MAN2C1: variants seen among roughly 807,000 people sequenced by gnomAD.
The protein encoded by MAN2C1 is alpha-mannosidase 2C1.
MAN2C1 carries 111 observed loss-of-function variants against 126.9 expected under a neutral mutation model. The observed-to-expected ratio is 0.87, with a 90% CI of 0.75 to 1.02. The LOEUF is 1.02. Among genes scored for constraint, MAN2C1 ranks in the 50% least tolerant of loss-of-function variants. MAN2C1 has a pLI of 0.00. For missense variants in MAN2C1, 1,363 were observed against 1,364.4 expected (o/e 1.00, Z 0.02); for synonymous variants, 567 against 561.5 (o/e 1.01, Z -0.14).
In MAN2C1 at chr15:75,358,799, AAT is replaced by A; in HGVS notation, c.2149_2150del (p.Ile717CysfsTer2). On this transcript the variant is annotated frameshift_variant, in exon 19 of 26. Coordinates refer to ENST00000267978, the MANE Select transcript of MAN2C1 (RefSeq NM_006715.4). LOFTEE classifies it high-confidence loss of function. ...ACTGGTTCCCCACGGCGCCCTCAGCAATGGCCTCCCTGGAAGGACATGGGATT... is the reference window on the plus strand; with the variant it reads ...ACTGGTTCCCCACGGCGCCCTCAGCAGGCCTCCCTGGAAGGACATGGGATT... Reference protein sequence around the residue: ...LVLVASGREAIAEGAVGNQFV... With the variant: ...LVLVASGREAXAEGAVGNQFV... 6.2e-7 allele frequency: 1 copy of A among 1,612,432 alleles called. No homozygotes were observed. The highest frequency in any genetic ancestry group is 1.1e-5 in the South Asian group (1 of 90,840).
intron 6 of MAN2C1, among the ~76,000 whole-genome samples, chr15:75,363,600 G>A (rs948731682): frequency 6.6e-6 from 1 of 152,204 alleles, no homozygotes; most frequent in Non-Finnish European, 1.5e-5. Context: ...GAGGTCAGGA[G>A]TTTGAGACCA....
intron 4 of MAN2C1, among the ~76,000 whole-genome samples, chr15:75,365,024 C>G (rs747878276): frequency 1.6e-4 from 24 of 152,178 alleles, no homozygotes; most frequent in Admixed American, 2.6e-4. Context: ...CTTTTAGACC[C>G]AAGATCTAAA....
chr15:75,361,204 G>A lies in MAN2C1; in HGVS notation c.1315-13C>T. The A allele has an allele frequency of 6.2e-7, 1 of 1,609,568 alleles. No individual in the cohort carries two copies. Among genetic ancestry groups the A allele is most frequent in the Non-Finnish European group, 8.5e-7 (1 of 1,178,474 alleles). On this transcript the variant is annotated splice_polypyrimidine_tract_variant and intron_variant, in intron 11 of 25. Transcript: ENST00000267978. The surrounding 1 kb of genome is among the most constrained non-coding windows in gnomAD (Gnocchi z 5.0). ...CGGTCTTCAGCACCTAGACAGGTGA[G>A]GGCAGGCCAGCATGGATCAGCCTGG... is the stretch of plus-strand genomic sequence containing the variant.
In MAN2C1 at chr15:75,362,325, A is replaced by C. The variant is rs767583261; in HGVS notation, c.1008+18T>G. 1 of 1,604,996 alleles carries C rather than the reference A, an allele frequency of 6.2e-7. No homozygotes were observed. The highest frequency in any genetic ancestry group is 8.5e-7 in the Non-Finnish European group (1 of 1,172,186). On this transcript the variant is annotated intron_variant, in intron 8 of 25. Transcript: ENST00000267978. This position sits in a 1 kb window ranked among gnomAD's most constrained non-coding sequence, Gnocchi z 4.5. ...GTTGTCATACAGTTCAAGGCTGAGG[A>C]GTGCCCAGTGCACTTACCATCTCCA...
chr15:75,363,800 C>T, intron 6 of MAN2C1, 199 bp downstream of exon 6: 1 of 591,472 alleles, frequency 1.7e-6, no homozygotes, highest in Non-Finnish European at 2.9e-6. Flanking sequence ...GAGTGAGACT[C>T]CGTCTCAAAA....
At chr15:75,358,842 A>C (rs779397683) in intron 18 of MAN2C1, 34 bp from the exon 19 acceptor site, 1 of 1,557,012 alleles carries the variant, frequency 6.4e-7, no homozygotes, top group Admixed American at 1.7e-5. Flanking sequence ...TGTACAACCA[A>C]CTGACCTCGC....
At chr15:75,366,417 C>A in intron 4 of MAN2C1, 105 bp downstream of exon 4, 1 of 876,328 alleles carries the variant, frequency 1.1e-6, no homozygotes, top group Non-Finnish European at 1.8e-6. Context: ...GATGATTGTG[C>A]TAGAGCAGAG....
In MAN2C1 at chr15:75,358,784, C is replaced by T. The variant is rs534432753; in HGVS notation, c.2166G>A (p.Val722=). 1.4e-4 allele frequency: 224 copies of T among 1,613,434 alleles called. 3 individuals carry two copies. The South Asian group carries it at 2.3e-3, about 16-fold the overall frequency. ...CATCAAATAGCACAAACTGGTTCCC[C>T]ACGGCGCCCTCAGCAATGGCCTCCC... is the stretch of plus-strand genomic sequence containing the variant. ...SGREAIAEGA[V]GNQFVLFDDV... The change falls in exon 19 of 26, where the codon GTG becomes GTA. Residue 722 remains valine (V), a synonymous_variant. Coordinates refer to ENST00000267978, the MANE Select transcript of MAN2C1 (RefSeq NM_006715.4).
At chr15:75,368,386 C>CCG in intron 1 of MAN2C1, 97 bp downstream of exon 1, 9 of 1,430,842 alleles carry the variant, frequency 6.3e-6, no homozygotes, top group Non-Finnish European at 7.6e-6. Flanking sequence ...GCACTTTGTC[C>CCG]CGCGGCCCGG....
rs370353202 is a variant in MAN2C1 at position 75,362,326 on chromosome 15, G to T, written c.1008+17C>A. 2.9e-5 allele frequency: 47 copies of T among 1,605,868 alleles called. No individual in the cohort carries two copies. The highest frequency in any genetic ancestry group is 3.8e-5 in the Non-Finnish European group (45 of 1,173,004). ...TTGTCATACAGTTCAAGGCTGAGGA[G>T]TGCCCAGTGCACTTACCATCTCCAC... On this transcript the variant is annotated intron_variant, in intron 8 of 25. Coordinates refer to ENST00000267978, the MANE Select transcript of MAN2C1 (RefSeq NM_006715.4). The surrounding 1 kb of genome is among the most constrained non-coding windows in gnomAD (Gnocchi z 4.5).
intron 20 of MAN2C1, 30 bp downstream of exon 20, chr15:75,358,432 G>A (rs747504348): frequency 3.1e-6 from 5 of 1,613,116 alleles, no homozygotes; most frequent in East Asian, 2.2e-5. Context: ...CACACTTGGG[G>A]AAAACAGCCA....
rs2072382090 is a variant in MAN2C1, at chr15:75,358,322, T to C, written c.2426A>G (p.Lys809Arg). ...AGCAGGGAACTCCACCTTCAGGAAC[T>C]TGTGGGCCTCATGCCAGTGTACCTG... ...HTEVHWHEAH[K>R]FLKVEFPARV... Residue 809 changes from lysine to arginine, a missense_variant, in exon 21 of 26, where the codon AAG becomes AGG. Transcript: ENST00000267978. The C allele has an allele frequency of 6.2e-7, 1 of 1,614,164 alleles. No individual in the cohort carries two copies. The highest frequency in any genetic ancestry group is 8.5e-7 in the Non-Finnish European group (1 of 1,180,042).
Position 75,361,060 on chromosome 15 carries a change from C to G in MAN2C1, c.1446G>C (p.Thr482=), listed in dbSNP as rs371070488. ...CCTGGCCTGACCTGGGCAGCCCATCCGTATTGCTCAGGCGCTTCAGGCGGT... is the reference window on the plus strand; with the variant it reads ...CCTGGCCTGACCTGGGCAGCCCATCGGTATTGCTCAGGCGCTTCAGGCGGT... The part of the protein sequence containing the change: ...MLDRLKRLSN[T]DGLPRVQLSS... The change falls in exon 12 of 26, where the codon ACG becomes ACC. Residue 482 remains threonine (T), a synonymous_variant. Transcript: ENST00000267978. This position sits in a 1 kb window ranked among gnomAD's most constrained non-coding sequence, Gnocchi z 5.0. 1.2e-6 allele frequency: 2 copies of G among 1,610,352 alleles called. No homozygotes were observed. Among genetic ancestry groups the G allele is most frequent in the African/African-American group, 2.7e-5 (2 of 74,904 alleles).
At position 75,364,591 on chromosome 15, in the gene MAN2C1, T is replaced by C. The variant is rs2072539085; in HGVS notation, c.497A>G (p.Asp166Gly). Residue 166 changes from aspartate (D) to glycine (G), a missense_variant, in exon 5 of 26, where the codon GAC becomes GGC. Asp to Gly is a moderately conservative substitution (Grantham distance 94, BLOSUM62 -1). This residue lies in a region of MAN2C1 where 628 missense variants were observed against 609.8 expected (regional missense o/e 1.03). Transcript: ENST00000267978. Reference protein sequence around the residue: ...AGKGSMIAAPDPEKMFQLSRA... With the variant: ...AGKGSMIAAPGPEKMFQLSRA... ...GCTCAGCTGGAACATCTTCTCAGGG[T>C]CAGGGGCTGCAATCATGCTTCCCTT... 4 of 1,613,458 alleles carry C rather than the reference T, an allele frequency of 2.5e-6. No individual in the cohort carries two copies. Among genetic ancestry groups the C allele is most frequent in the South Asian group, 1.1e-5 (1 of 90,956 alleles).
At chr15:75,360,421 T>C in intron 13 of MAN2C1, 144 bp downstream of exon 13, 2 of 1,370,972 alleles carry the variant, frequency 1.5e-6, no homozygotes, top group South Asian at 2.9e-5. Flanking sequence ...TCAAGCTTTC[T>C]TGACCAACCC....
rs536701690 is a variant in MAN2C1, at chr15:75,360,795, G to C, written c.1461-107C>G. On this transcript the variant is annotated intron_variant, in intron 12 of 25. Coordinates refer to ENST00000267978, the MANE Select transcript of MAN2C1 (RefSeq NM_006715.4). ...GCTCCTACAGAGAGGAGCCACTCCA[G>C]AAAGCTCCCCGTTCACAGATGGCCA... The C allele has an allele frequency of 6.5e-4, 942 of 1,447,022 alleles. 7 individuals are homozygous for C. The South Asian group carries it at 7.2e-3, about 11-fold the overall frequency. The allele number at this position is 1,447,022 out of a possible 1,614,324, so 89.6% of individuals were successfully genotyped here. A position where few individuals can be genotyped will look rare whatever the true frequency, so the allele number is the denominator to read the frequency against.
intron 1 of MAN2C1, 119 bp downstream of exon 1, chr15:75,368,364 T>G: frequency 7.2e-7 from 1 of 1,388,008 alleles, no homozygotes. Context: ...GCCCCTGCCC[T>G]GCCCGCGGCG....
At chr15:75,368,048 C>T in intron 2 of MAN2C1, 25 bp downstream of exon 2, 1 of 1,591,826 alleles carries the variant, frequency 6.3e-7, no homozygotes, top group African/African-American at 1.3e-5. Context: ...CCTGTGGCCC[C>T]GCCCACCCGC....
chr15:75,356,250 C>T lies in MAN2C1; in HGVS notation c.2887-31G>A, dbSNP rs368844309. ...GAGGAACACGTCTGGTGGGAGGGGC[C>T]GAGGGCAGGCCCAGTTCGGAACCCC... On this transcript the variant is annotated intron_variant, in intron 24 of 25. Coordinates refer to ENST00000267978, the MANE Select transcript of MAN2C1 (RefSeq NM_006715.4). This position sits in a 1 kb window ranked among gnomAD's most constrained non-coding sequence, Gnocchi z 5.8. The T allele has an allele frequency of 2.1e-5, 34 of 1,612,056 alleles. No homozygotes were observed. The highest frequency in any genetic ancestry group is 2.5e-5 in the Non-Finnish European group (30 of 1,179,400).
Sources: allele counts gnomAD v4.1 joint callset (sites outside exome capture counted in the v4.1 genomes callset), GRCh38; gene constraint gnomAD v4.1.1; regional missense constraint gnomAD v4.1.1; non-coding constraint Gnocchi (gnomAD v3.1); transcripts MANE v1.5; gene names NCBI Gene and HGNC (gene_info 2026-07-23, HGNC 2026-07-21).